TTC39B: variants seen among roughly 807,000 people sequenced by gnomAD.
The protein encoded by TTC39B is tetratricopeptide repeat domain 39B.
In TTC39B, 92 loss-of-function variants were observed where a neutral mutation model predicts 96.6. The observed-to-expected ratio is 0.95, with a 90% confidence interval of 0.80 to 1.13. The LOEUF (loss-of-function observed/expected upper bound fraction) is 1.13, where lower values mean the gene tolerates loss of function less well. Ranked by LOEUF, TTC39B falls within the 50% of genes most tolerant of loss-of-function variation. The pLI, the probability that TTC39B is intolerant of heterozygous loss-of-function variation, is 0.00. For synonymous variants in TTC39B, 367 were observed against 299.4 expected, an observed-to-expected ratio of 1.23 and a Z score of -2.33; for missense variants, 955 against 809.3, an observed-to-expected ratio of 1.18 and a Z score of -2.18.
At chr9:15,167,962 TCTGCAGATAAA>T (rs1420809289) in exon 20 of TTC39B, 1 of 152,196 alleles carries the variant, frequency 6.6e-6, no homozygotes, top group Non-Finnish European at 1.5e-5. Flanking sequence ...ACACTGACCA[TCTGCAGATAAA>T]CACGATCAAA....
intron 2 of TTC39B, among the ~76,000 whole-genome samples, chr9:15,226,933 G>C (rs2131408107): frequency 6.6e-6 from 1 of 152,272 alleles, no homozygotes; most frequent in African/African-American, 2.4e-5. Flanking sequence ...ATTAAAAAAA[G>C]AGGTAAAGTC....
chr9:15,168,203 C>T (rs1817562806), exon 20 of TTC39B: 1 of 152,102 alleles, frequency 6.6e-6, no homozygotes, highest in Non-Finnish European at 1.5e-5. Context: ...GCTCCGCAGC[C>T]ATGTGTGGCG....
intron 2 of TTC39B, chr9:15,232,354 G>A (rs1327716942): frequency 1.3e-5 from 2 of 152,690 alleles, no homozygotes; most frequent in East Asian, 3.9e-4. Context: ...TAGAAGAGGT[G>A]GAAACGGGAG....
At chr9:15,215,726 G>A (rs62539784) in intron 3 of TTC39B, among the ~76,000 whole-genome samples, 13,077 of 151,338 alleles carry the variant, frequency 0.086, 697 homozygotes, top group Non-Finnish European at 0.13. Context: ...GGCTGGGTGT[G>A]GTGGTGCATT....
At chr9:15,203,292 C>CACT (rs1564341954) in intron 7 of TTC39B, among the ~76,000 whole-genome samples, 1 of 152,142 alleles carries the variant, frequency 6.6e-6, no homozygotes, top group African/African-American at 2.4e-5. Flanking sequence ...GCTCTGTCAC[C>CACT]CAAGGTGAAG....
intron 2 of TTC39B, among the ~76,000 whole-genome samples, chr9:15,265,841 G>C (rs1554627952): frequency 6.6e-6 from 1 of 152,018 alleles, no homozygotes; most frequent in Non-Finnish European, 1.5e-5. Context: ...CATGAGGGGG[G>C]AAAAACAGAC....
intron 1 of TTC39B, among the ~76,000 whole-genome samples, chr9:15,274,341 T>G (rs868693772): frequency 5.3e-5 from 8 of 152,218 alleles, no homozygotes; most frequent in African/African-American, 1.7e-4. Context: ...TCTACAGCAT[T>G]TAAACTCTCC....
At chr9:15,175,019 C>T (rs1182543040) in exon 19 of TTC39B, 1 of 1,610,080 alleles carries the variant, frequency 6.2e-7, no homozygotes, top group Admixed American at 1.7e-5. Context: ...CAACACTTAC[C>T]TTGCAGTTTC....
intron 1 of TTC39B, among the ~76,000 whole-genome samples, chr9:15,268,849 A>G (rs12349544): frequency 0.047 from 7,088 of 152,262 alleles, 239 homozygotes; most frequent in South Asian, 0.073. Context: ...GTTTTTGAAT[A>G]AGCATACACC....
At chr9:15,273,805 T>C (rs566508918) in intron 1 of TTC39B, among the ~76,000 whole-genome samples, 2 of 152,298 alleles carry the variant, frequency 1.3e-5, no homozygotes, top group East Asian at 3.9e-4. Flanking sequence ...CTCTGGCAAG[T>C]CATGAATTCT....
At position 15,281,625 on chromosome 9, in the gene TTC39B, C is replaced by CAAAAAAAAAAAAAAAA. The variant is rs1161175672; in HGVS notation, c.241-13693_241-13678dup. On this transcript the variant is annotated intron_variant, in intron 1 of 19. Transcript: ENST00000512701. ...CCTACCAACATCCCCCCTGCAACAGCAAAAAAAAAAAAAAAAAAAAAAAAA... is the reference window on the plus strand; with the variant it reads ...CCTACCAACATCCCCCCTGCAACAGCAAAAAAAAAAAAAAAAAAAAAAAAAAAAAAAAAAAAAAAAA... 1.8e-4 allele frequency among the ~76,000 whole-genome samples: 9 copies of CAAAAAAAAAAAAAAAA among 48,996 alleles called. 1 individual carries two copies. The highest frequency in any genetic ancestry group is 8.6e-4 in the African/African-American group (9 of 10,506). 32.1% of individuals were successfully genotyped at this position (48,996 alleles called of 152,430 possible).
intron 3 of TTC39B, among the ~76,000 whole-genome samples, chr9:15,221,650 C>T (rs1198553441): frequency 6.6e-6 from 1 of 152,150 alleles, no homozygotes; most frequent in Non-Finnish European, 1.5e-5. Flanking sequence ...AGAGTTCTGA[C>T]CCAGAGCCAC....
intron 4 of TTC39B, among the ~76,000 whole-genome samples, chr9:15,212,447 C>G (rs1307058790): frequency 1.3e-5 from 2 of 151,192 alleles, no homozygotes; most frequent in Non-Finnish European, 2.9e-5. Context: ...TTTTTTGAGA[C>G]AGAGCTTCGC....
chr9:15,190,647 G>C, exon 11 of TTC39B: 3 of 1,613,988 alleles, frequency 1.9e-6, no homozygotes, highest in Non-Finnish European at 2.5e-6. Context: ...TCACGTAACT[G>C]CAGGAGGCCC....
chr9:15,197,612 A>T (rs920579963), intron 8 of TTC39B, among the ~76,000 whole-genome samples: 2 of 152,200 alleles, frequency 1.3e-5, no homozygotes, highest in African/African-American at 4.8e-5. Context: ...GTCTCAGGAG[A>T]GAAGAAAGTA....
intron 2 of TTC39B, among the ~76,000 whole-genome samples, chr9:15,251,038 A>C (rs1391305729): frequency 6.6e-6 from 1 of 152,082 alleles, no homozygotes; most frequent in Admixed American, 6.6e-5. Context: ...TCTACTAAAA[A>C]TACAAAAATT....
chr9:15,173,084 A>G (rs1163452201), intron 19 of TTC39B, among the ~76,000 whole-genome samples: 2 of 152,142 alleles, frequency 1.3e-5, no homozygotes, highest in Non-Finnish European at 2.9e-5. Context: ...GAGGCTTTTC[A>G]TTGCTTTTTA....
At chr9:15,190,685 T>C (rs770010854) in intron 10 of TTC39B, 23 bp from the exon 11 acceptor site, 1 of 1,580,968 alleles carries the variant, frequency 6.3e-7, no homozygotes, top group Non-Finnish European at 8.7e-7. Context: ...AATGCATTTT[T>C]AGAAAGAGAA....
At chr9:15,263,961 C>G (rs184299392) in intron 2 of TTC39B, among the ~76,000 whole-genome samples, 23 of 152,222 alleles carry the variant, frequency 1.5e-4, no homozygotes, top group Admixed American at 1.1e-3. Context: ...AATGGGGAAA[C>G]CTTTGGATTT....
Sources: gnomAD v4.1 joint callset for allele counts (sites outside exome capture counted in the v4.1 genomes callset) on GRCh38, gnomAD v4.1.1 for gene constraint, MANE v1.5 for transcripts, NCBI Gene and HGNC (gene_info 2026-07-23, HGNC 2026-07-21) for gene names.